The following BCR variants were observed in gnomAD, a reference collection of about 807,000 sequenced individuals.
The protein encoded by BCR is breakpoint cluster region protein.
BCR carries 58 observed loss-of-function variants against 138.6 expected under a neutral mutation model. The ratio of observed to expected loss-of-function variants is 0.42; its 90% CI spans 0.34 to 0.52. BCR has a LOEUF of 0.52. Among genes scored for constraint, BCR ranks in the 20% least tolerant of loss-of-function variants. The pLI, the probability that BCR is intolerant of heterozygous loss-of-function variation, is 0.06. For synonymous variants in BCR, 786 were observed against 730.1 expected (o/e 1.08, Z -1.23); for missense variants, 1,599 against 1,727.2 (o/e 0.93, Z 1.32).
At chr22:23,233,153 A>G (rs1483743681) in intron 1 of BCR, among the ~76,000 whole-genome samples, 1 of 152,186 alleles carries the variant, frequency 6.6e-6, no homozygotes, top group Non-Finnish European at 1.5e-5. Flanking sequence ...CAGAGCCTAT[A>G]CAGAGCATCC....
intron 1 of BCR, among the ~76,000 whole-genome samples, chr22:23,227,673 G>C (rs1196138248): frequency 6.6e-6 from 1 of 152,224 alleles, no homozygotes; most frequent in Admixed American, 6.5e-5. Flanking sequence ...TCTCTCTCCT[G>C]TCACATCAGA....
chr22:23,245,034 C>T (rs937284290), intron 1 of BCR, among the ~76,000 whole-genome samples: 21 of 152,178 alleles, frequency 1.4e-4, no homozygotes, highest in Admixed American at 1.4e-3. Flanking sequence ...GAGGCACACT[C>T]GGCTTGTGGA....
At chr22:23,280,938 G>A (rs1377209041) in intron 8 of BCR, among the ~76,000 whole-genome samples, 4 of 152,154 alleles carry the variant, frequency 2.6e-5, no homozygotes, top group East Asian at 1.9e-4. Context: ...GGCCTGACAC[G>A]CACAGGACAT....
At chr22:23,278,146 T>C (rs2073600903) in intron 8 of BCR, among the ~76,000 whole-genome samples, 1 of 152,218 alleles carries the variant, frequency 6.6e-6, no homozygotes, top group Admixed American at 6.5e-5. Flanking sequence ...CTCGGAGCCT[T>C]GGCACCACGT....
At chr22:23,207,941 A>G (rs145007116) in intron 1 of BCR, among the ~76,000 whole-genome samples, 2,000 of 152,258 alleles carry the variant, frequency 0.013, 33 homozygotes, top group African/African-American at 0.043. Flanking sequence ...CTGATGGCCT[A>G]TGCACCCCAT....
intron 1 of BCR, chr22:23,199,199 G>A (rs764504225): frequency 4.2e-6 from 2 of 476,120 alleles, no homozygotes; most frequent in Non-Finnish European, 8.4e-6. Flanking sequence ...CTCTCTCATG[G>A]CATTTCTTTA....
At chr22:23,224,413 T>A (rs1168381716) in intron 1 of BCR, among the ~76,000 whole-genome samples, 1 of 152,182 alleles carries the variant, frequency 6.6e-6, no homozygotes, top group Non-Finnish European at 1.5e-5. Flanking sequence ...AGAGTCAAAC[T>A]GCCGCCTTGC....
chr22:23,241,267 C>T (rs1265011950), intron 1 of BCR, among the ~76,000 whole-genome samples: 2 of 152,220 alleles, frequency 1.3e-5, no homozygotes, highest in Non-Finnish European at 2.9e-5. Context: ...CTGCCCGTGG[C>T]TGGGCCCTGG....
At chr22:23,194,707 C>T (rs768043150) in intron 1 of BCR, among the ~76,000 whole-genome samples, 3 of 152,064 alleles carry the variant, frequency 2.0e-5, no homozygotes, top group Non-Finnish European at 4.4e-5. Flanking sequence ...CCACTGTGCC[C>T]GGCCGGGTGG....
rs565503855 is a variant in BCR, at chr22:23,213,832, T to A, written c.1279+31593T>A. ...TGGGCAACAGAGCAAGACCCCTGTC[T>A]CTTAAAAAAAAAAAAAAAGAAGAAG... On this transcript the variant is annotated intron_variant, in intron 1 of 22. Transcript: ENST00000305877. 1.4e-4 allele frequency among the ~76,000 whole-genome samples: 20 copies of A among 145,084 alleles called. No individual in the cohort carries two copies. The East Asian group carries it at 3.9e-3, about 29-fold the overall frequency.
At chr22:23,243,782 A>G (rs6003584) in intron 1 of BCR, among the ~76,000 whole-genome samples, 36,700 of 151,464 alleles carry the variant, frequency 0.24, 4,913 homozygotes, top group African/African-American at 0.32. Context: ...AGCTGGGACT[A>G]TAGGCGCCTG....
At chr22:23,213,707 G>A (rs915606384) in intron 1 of BCR, among the ~76,000 whole-genome samples, 12 of 152,224 alleles carry the variant, frequency 7.9e-5, no homozygotes, top group African/African-American at 2.9e-4. Context: ...GTGCATGCCT[G>A]TAGTCCTAGC....
At chr22:23,268,950 C>T (rs113629952) in intron 5 of BCR, among the ~76,000 whole-genome samples, 7 of 152,104 alleles carry the variant, frequency 4.6e-5, no homozygotes, top group African/African-American at 1.2e-4. Flanking sequence ...GAGGGGCTAG[C>T]GCCGTGGGGC....
intron 10 of BCR, among the ~76,000 whole-genome samples, chr22:23,285,892 G>A (rs1236177713): frequency 6.6e-6 from 1 of 152,220 alleles, no homozygotes; most frequent in Non-Finnish European, 1.5e-5. Flanking sequence ...TGCCTGGATG[G>A]TCCTTTTAAG....
chr22:23,246,244 G>C (rs1289256976), intron 1 of BCR, among the ~76,000 whole-genome samples: 1 of 152,048 alleles, frequency 6.6e-6, no homozygotes, highest in Non-Finnish European at 1.5e-5. Flanking sequence ...AGGCAACATA[G>C]CGAGACCCCT....
chr22:23,305,256 G>T (rs984349877), intron 16 of BCR, among the ~76,000 whole-genome samples: 1 of 152,160 alleles, frequency 6.6e-6, no homozygotes, highest in Non-Finnish European at 1.5e-5. Context: ...CCGGGAGTAG[G>T]TTATAGTGCA....
At chr22:23,268,625 C>A in intron 5 of BCR, 110 bp downstream of exon 5, 2 of 953,374 alleles carry the variant, frequency 2.1e-6, no homozygotes, top group Non-Finnish European at 1.6e-6. Context: ...TGAACCCCAG[C>A]TGTTTCCAGA....
Position 23,311,818 on chromosome 22 carries a change from A to C in BCR, c.3304A>C (p.Lys1102Gln). ...SGVATDIQALKAAFDVNNKDV... is the reference protein window; with the variant it reads ...SGVATDIQALQAAFDVNNKDV... The stretch of plus-strand genomic sequence containing the variant: ...TGTGGCCACGGACATCCAGGCACTG[A>C]AGGCAGCCTTCGACGTCAGTGAGTG... Residue 1102 changes from lysine to glutamine, a missense_variant, in exon 19 of 23, where the codon AAG (lysine) becomes CAG (glutamine). Lys to Gln is a moderately conservative substitution (Grantham distance 53). Around this residue, in one of 4 missense-constraint regions of BCR, gnomAD observed 177 missense variants for 226.4 expected, o/e 0.78. Coordinates refer to ENST00000305877, the MANE Select transcript of BCR (RefSeq NM_004327.4). 1 of 1,611,766 alleles carries C rather than the reference A, an allele frequency of 6.2e-7. No individual in the cohort carries two copies. Among genetic ancestry groups the C allele is most frequent in the Non-Finnish European group, 8.5e-7 (1 of 1,179,864 alleles).
intron 15 of BCR, among the ~76,000 whole-genome samples, chr22:23,294,683 G>T (rs2073826041): frequency 6.6e-6 from 1 of 152,216 alleles, no homozygotes; most frequent in Non-Finnish European, 1.5e-5. Context: ...ACAGGTGTGA[G>T]CCACCGTGCC....
Sources: gnomAD v4.1 joint callset for allele counts (sites outside exome capture counted in the v4.1 genomes callset) on GRCh38, gnomAD v4.1.1 for gene constraint, gnomAD v4.1.1 regional missense constraint, MANE v1.5 for transcripts, NCBI Gene and HGNC (gene_info 2026-07-23, HGNC 2026-07-21) for gene names.